BANK1: variants seen among roughly 807,000 people sequenced by gnomAD.
BANK1 encodes B cell scaffold protein with ankyrin repeats 1.
A neutral mutation model predicts 94.5 loss-of-function variants in BANK1; 95 were observed. The observed-to-expected ratio is 1.00, with a 90% CI of 0.85 to 1.19. The LOEUF (loss-of-function observed/expected upper bound fraction) is 1.19, where lower values mean the gene tolerates loss of function less well. Among genes scored for constraint, BANK1 ranks in the 50% most tolerant of loss-of-function variants. BANK1 has a pLI of 0.00. For synonymous variants in BANK1, 334 were observed against 308.4 expected (o/e 1.08, Z -0.87); for missense variants, 987 against 932.2 (o/e 1.06, Z -0.77).
chr4:101,825,524 A>G (rs1288522745), intron 1 of BANK1, among the ~76,000 whole-genome samples: 2 of 152,148 alleles, frequency 1.3e-5, no homozygotes, highest in Admixed American at 1.3e-4. Flanking sequence ...GAAAGTCAGC[A>G]TAAAGATCAA....
At chr4:101,832,038 T>C (rs1034249763) in intron 2 of BANK1, among the ~76,000 whole-genome samples, 1 of 152,238 alleles carries the variant, frequency 6.6e-6, no homozygotes, top group East Asian at 1.9e-4. Flanking sequence ...TGAAGGTCAC[T>C]TCTAATCATT....
rs1724956640 is a variant in BANK1 at position 101,790,919 on chromosome 4, G to C, written c.39G>C (p.Pro13=). The C allele has an allele frequency of 3.9e-6, 6 of 1,535,570 alleles. No homozygotes were observed. The highest frequency in any genetic ancestry group is 5.2e-6 in the Non-Finnish European group (6 of 1,146,070). The part of the protein sequence containing the change: ...PAAPGKGLGS[P]DPAPCGPAPP... Reference sequence around the variant, plus strand: ...CGCCAGGCAAGGGGCTTGGGAGCCCGGACCCCGCCCCCTGCGGCCCAGCGC... The same window carrying C: ...CGCCAGGCAAGGGGCTTGGGAGCCCCGACCCCGCCCCCTGCGGCCCAGCGC... Residue 13 remains proline, a synonymous_variant, in exon 1 of 17, where the codon CCG becomes CCC. Transcript: ENST00000322953.
rs184502723 is a variant in BANK1, at chr4:102,060,195, T to G, written c.1970-16T>G. 864 of 1,547,630 alleles carry G rather than the reference T, an allele frequency of 5.6e-4. 1 individual carries two copies. The highest frequency in any genetic ancestry group is 2.1e-3 in the Admixed American group (90 of 42,410). On this transcript the variant is annotated splice_polypyrimidine_tract_variant and intron_variant, in intron 11 of 16. Coordinates refer to ENST00000322953, the MANE Select transcript of BANK1 (RefSeq NM_017935.5). The stretch of plus-strand genomic sequence containing the variant: ...ACCTGGACTTTCTGTTAATGCACCC[T>G]CCCCTTGTATTTTAGACAGAGCTCG...
intron 9 of BANK1, among the ~76,000 whole-genome samples, chr4:102,027,393 G>A (rs1165535062): frequency 6.6e-6 from 1 of 151,868 alleles, no homozygotes; most frequent in Non-Finnish European, 1.5e-5. Context: ...AATATAAAAA[G>A]CAAAATAAAA....
At chr4:101,893,460 T>C (rs1194096542) in intron 5 of BANK1, among the ~76,000 whole-genome samples, 1 of 152,076 alleles carries the variant, frequency 6.6e-6, no homozygotes, top group Non-Finnish European at 1.5e-5. Context: ...GGCTAGATAA[T>C]ATGCTATACA....
At chr4:102,058,128 CA>C (rs1259074651) in intron 11 of BANK1, among the ~76,000 whole-genome samples, 3 of 151,896 alleles carry the variant, frequency 2.0e-5, no homozygotes, top group African/African-American at 7.3e-5. Flanking sequence ...GTTGGGCAAT[CA>C]AGTTGTTTTC....
At chr4:102,063,174 A>T (rs746282461) in intron 13 of BANK1, 36 bp downstream of exon 13, 1 of 1,564,708 alleles carries the variant, frequency 6.4e-7, no homozygotes, top group Admixed American at 1.7e-5. Context: ...AAAATAATAG[A>T]GTGATTACGT....
intron 7 of BANK1, among the ~76,000 whole-genome samples, chr4:101,952,219 A>G (rs1724186683): frequency 6.6e-6 from 1 of 152,124 alleles, no homozygotes; most frequent in Non-Finnish European, 1.5e-5. Context: ...CATTTTGTTC[A>G]ATGTTTTGTT....
At chr4:101,810,990 T>C (rs1261396527) in intron 1 of BANK1, among the ~76,000 whole-genome samples, 1 of 152,174 alleles carries the variant, frequency 6.6e-6, no homozygotes, top group African/African-American at 2.4e-5. Context: ...ATATTTTATC[T>C]CTACGAATGA....
chr4:101,879,869 AGTATTTG>A (rs1458930804), intron 5 of BANK1, among the ~76,000 whole-genome samples: 1 of 152,128 alleles, frequency 6.6e-6, no homozygotes, highest in Non-Finnish European at 1.5e-5. Context: ...ATGCTGAAAA[AGTATTTG>A]GTAAAATTCA....
At chr4:101,908,188 G>A (rs565761026) in intron 6 of BANK1, among the ~76,000 whole-genome samples, 1 of 152,282 alleles carries the variant, frequency 6.6e-6, no homozygotes, top group South Asian at 2.1e-4. Flanking sequence ...AAACAGCATG[G>A]TACTGGTACC....
At chr4:101,985,763 A>G (rs536182250) in intron 7 of BANK1, among the ~76,000 whole-genome samples, 130 of 152,278 alleles carry the variant, frequency 8.5e-4, no homozygotes, top group Non-Finnish European at 1.6e-3. Flanking sequence ...AAAAATAAAA[A>G]TCTACATTCA....
At chr4:101,826,890 C>T (rs943744634) in intron 1 of BANK1, among the ~76,000 whole-genome samples, 4 of 151,712 alleles carry the variant, frequency 2.6e-5, no homozygotes, top group African/African-American at 4.8e-5. Flanking sequence ...ATTTATATCA[C>T]GAGAAAAGAC....
intron 2 of BANK1, among the ~76,000 whole-genome samples, chr4:101,832,777 ATT>A (rs1726670536): frequency 6.6e-6 from 1 of 151,966 alleles, no homozygotes; most frequent in Non-Finnish European, 1.5e-5. Context: ...TTTGGTTACA[ATT>A]TTCAACTTTG....
chr4:101,870,487 T>C lies in BANK1; in HGVS notation c.764-18T>C, dbSNP rs1728241255. On this transcript the variant is annotated intron_variant, in intron 4 of 16. Coordinates refer to ENST00000322953, the MANE Select transcript of BANK1 (RefSeq NM_017935.5). The stretch of plus-strand genomic sequence containing the variant: ...GCATTATATACTCTGCCCCTAACCC[T>C]TGTTTGTTTTTCATAAGAGTTTCCT... 1 of 1,607,138 alleles carries C rather than the reference T, an allele frequency of 6.2e-7. No individual in the cohort carries two copies. The highest frequency in any genetic ancestry group is 8.5e-7 in the Non-Finnish European group (1 of 1,176,584).
chr4:102,069,356 G>T (rs928190104), intron 13 of BANK1, among the ~76,000 whole-genome samples: 4 of 152,150 alleles, frequency 2.6e-5, no homozygotes, highest in African/African-American at 9.7e-5. Flanking sequence ...AAAGCAAATG[G>T]CCCAGAAGCA....
chr4:101,998,343 G>A (rs750100509), intron 7 of BANK1, among the ~76,000 whole-genome samples: 4 of 152,054 alleles, frequency 2.6e-5, no homozygotes, highest in Non-Finnish European at 2.9e-5. Flanking sequence ...CCAATTATGT[G>A]ATCAATTTTA....
chr4:101,905,991 A>C (rs1398484218), intron 6 of BANK1, among the ~76,000 whole-genome samples: 1 of 152,204 alleles, frequency 6.6e-6, no homozygotes, highest in Admixed American at 6.5e-5. Flanking sequence ...AAGCTGTTCT[A>C]TGGCATCATC....
chr4:101,854,585 T>A (rs1420263817), intron 2 of BANK1, among the ~76,000 whole-genome samples: 1 of 152,140 alleles, frequency 6.6e-6, no homozygotes, highest in African/African-American at 2.4e-5. Context: ...TATTTAGTGA[T>A]TGTCCCATAA....
Sources: allele counts gnomAD v4.1 joint callset (sites outside exome capture counted in the v4.1 genomes callset), GRCh38; gene constraint gnomAD v4.1.1; transcripts MANE v1.5; gene names NCBI Gene and HGNC (gene_info 2026-07-23, HGNC 2026-07-21).